Variants in PDE10A observed in about 807,000 individuals in gnomAD.
PDE10A encodes phosphodiesterase 10A, also known as cAMP and cAMP-inhibited cGMP 3',5'-cyclic phosphodiesterase 10A.
In PDE10A, 39 loss-of-function variants were observed where a neutral mutation model predicts 97.7. The ratio of observed to expected loss-of-function variants is 0.40; its 90% CI spans 0.31 to 0.52. PDE10A has a LOEUF of 0.52. PDE10A is among the 20% of genes least tolerant of loss of function. The probability of loss-of-function intolerance (pLI) is 0.56; values close to 1 mark genes in which losing one functional copy is unlikely to be tolerated. For synonymous variants in PDE10A, 371 were observed against 376.8 expected, an observed-to-expected ratio of 0.98 and a Z score of 0.18; for missense variants, 731 against 1,047.8, an observed-to-expected ratio of 0.70 and a Z score of 4.17.
intron 3 of PDE10A, among the ~76,000 whole-genome samples, chr6:165,476,633 G>A (rs1779313407): frequency 6.6e-6 from 1 of 152,104 alleles, no homozygotes; most frequent in South Asian, 2.1e-4. Flanking sequence ...TAAAACAATT[G>A]AGAAAGCTCA....
At chr6:165,883,580 C>G (rs1466923585) in intron 1 of PDE10A, among the ~76,000 whole-genome samples, 1 of 152,042 alleles carries the variant, frequency 6.6e-6, no homozygotes, top group East Asian at 1.9e-4. Context: ...TAAACTCTCC[C>G]CCACCAAAGA....
intron 1 of PDE10A, among the ~76,000 whole-genome samples, chr6:165,795,169 GA>G (rs1562740574): frequency 6.6e-6 from 1 of 152,190 alleles, no homozygotes; most frequent in African/African-American, 2.4e-5. Context: ...GAAGAGACTA[GA>G]ACAAGCATCA....
intron 1 of PDE10A, among the ~76,000 whole-genome samples, chr6:165,817,625 C>T (rs563749381): frequency 6.6e-6 from 1 of 152,228 alleles, no homozygotes; most frequent in Admixed American, 6.5e-5. Context: ...ATGGCTGGTC[C>T]CTGCAACAGA....
chr6:165,742,850 G>GACTGCACGCAAC (rs1465319539), intron 1 of PDE10A, among the ~76,000 whole-genome samples: 5 of 152,148 alleles, frequency 3.3e-5, no homozygotes, highest in African/African-American at 1.2e-4. Flanking sequence ...AGAAAACAGA[G>GACTGCACGCAAC]ACTGCACGCA....
intron 2 of PDE10A, among the ~76,000 whole-genome samples, chr6:165,539,130 T>G (rs751818856): frequency 3.3e-5 from 5 of 152,192 alleles, no homozygotes; most frequent in Non-Finnish European, 7.3e-5. Flanking sequence ...CAACAGGTTA[T>G]AAAATGAATA....
intron 1 of PDE10A, among the ~76,000 whole-genome samples, chr6:165,961,142 G>T (rs1410963435): frequency 6.6e-6 from 1 of 152,132 alleles, no homozygotes; most frequent in African/African-American, 2.4e-5. Flanking sequence ...AGGGGACCTT[G>T]CTGTGGATGC....
intron 18 of PDE10A, among the ~76,000 whole-genome samples, chr6:165,376,918 AAAG>A (rs1232732022): frequency 2.0e-5 from 3 of 152,138 alleles, no homozygotes; most frequent in African/African-American, 4.8e-5. Flanking sequence ...CATCTTTAAA[AAAG>A]AAGGAGAAGA....
chr6:165,906,693 A>G (rs764668417), intron 1 of PDE10A, among the ~76,000 whole-genome samples: 5 of 152,204 alleles, frequency 3.3e-5, no homozygotes, highest in African/African-American at 4.8e-5. Flanking sequence ...AAAGGAATCC[A>G]TGGAACAGAG....
intron 1 of PDE10A, among the ~76,000 whole-genome samples, chr6:165,955,162 C>T (rs1458105337): frequency 6.6e-6 from 1 of 152,140 alleles, no homozygotes; most frequent in South Asian, 2.1e-4. Flanking sequence ...TCGCACTCAC[C>T]TTGGGGCTAC....
rs1348841823 is a variant in PDE10A, at chr6:165,628,306, A to G, written c.865+33641T>C. The stretch of plus-strand genomic sequence containing the variant: ...ATAATCCAGGCAAAAGGCTTAGCAC[A>G]GTGCCTAAAATAGAGCGAGCATGCA... On this transcript the variant is annotated intron_variant, in intron 1 of 21. Transcript: ENST00000539869. Among the ~76,000 whole-genome samples the G allele has an allele frequency of 2.6e-5, 4 of 152,336 alleles. No individual in the cohort carries two copies. The East Asian group carries it at 7.7e-4, about 29-fold the overall frequency.
intron 2 of PDE10A, among the ~76,000 whole-genome samples, chr6:165,489,828 C>A (rs1195381393): frequency 6.6e-6 from 1 of 152,104 alleles, no homozygotes; most frequent in Non-Finnish European, 1.5e-5. Context: ...GCAATAGAAT[C>A]AAACAAATAG....
intron 1 of PDE10A, among the ~76,000 whole-genome samples, chr6:165,938,043 C>T (rs984274947): frequency 1.3e-5 from 2 of 152,222 alleles, no homozygotes; most frequent in Admixed American, 6.5e-5. Context: ...TCTACAAAGA[C>T]TTCAGAAGCC....
At chr6:165,493,682 G>T (rs543462712) in intron 2 of PDE10A, among the ~76,000 whole-genome samples, 5 of 152,068 alleles carry the variant, frequency 3.3e-5, no homozygotes, top group Non-Finnish European at 7.4e-5. Context: ...ACTCAAGATG[G>T]ATCAAAGACT....
intron 1 of PDE10A, among the ~76,000 whole-genome samples, chr6:165,964,726 G>C (rs1426493216): frequency 1.3e-5 from 2 of 152,202 alleles, no homozygotes; most frequent in Non-Finnish European, 2.9e-5. Context: ...TTACTGGAGA[G>C]ATGTGTACAT....
At chr6:165,823,078 C>T (rs538973710) in intron 1 of PDE10A, among the ~76,000 whole-genome samples, 70 of 151,878 alleles carry the variant, frequency 4.6e-4, no homozygotes, top group Non-Finnish European at 9.1e-4. Flanking sequence ...GTGATCCACC[C>T]GCCTCGTCCT....
chr6:165,413,103 G>C (rs1788013749), intron 13 of PDE10A, among the ~76,000 whole-genome samples: 1 of 151,622 alleles, frequency 6.6e-6, no homozygotes, highest in Admixed American at 6.6e-5. Flanking sequence ...TTCCTGGTGG[G>C]TGTCCAAACA....
At chr6:165,682,188 G>GTGCAA (rs2128439661) in intron 1 of PDE10A, among the ~76,000 whole-genome samples, 1 of 152,278 alleles carries the variant, frequency 6.6e-6, no homozygotes, top group African/African-American at 2.4e-5. Context: ...CTGGAGTGCA[G>GTGCAA]TGGCTGCGAT....
intron 7 of PDE10A, 136 bp from the exon 8 acceptor site, chr6:165,431,608 A>G (rs941635269): frequency 7.2e-6 from 2 of 277,520 alleles, no homozygotes; most frequent in African/African-American, 2.4e-5. Context: ...TATATAATAT[A>G]TATCATACAT....
chr6:165,688,571 C>G (rs928698990), intron 1 of PDE10A, among the ~76,000 whole-genome samples: 2 of 152,072 alleles, frequency 1.3e-5, no homozygotes, highest in Non-Finnish European at 2.9e-5. Context: ...TATTCTGATT[C>G]GCAACTGTTG....
Sources: allele counts gnomAD v4.1 joint callset (sites outside exome capture counted in the v4.1 genomes callset), GRCh38; gene constraint gnomAD v4.1.1; transcripts MANE v1.5; gene names NCBI Gene and HGNC (gene_info 2026-07-23, HGNC 2026-07-21).